JAG2: variants seen among roughly 807,000 people sequenced by gnomAD.
JAG2 encodes the protein protein jagged-2.
A neutral mutation model predicts 141.7 loss-of-function variants in JAG2; 46 were observed. That is an observed-to-expected ratio of 0.32 (90% confidence interval 0.26 to 0.42). The LOEUF (loss-of-function observed/expected upper bound fraction) is 0.42, where lower values mean the gene tolerates loss of function less well. Ranked by LOEUF, JAG2 falls within the 10% of genes least tolerant of loss-of-function variation. The pLI, the probability that JAG2 is intolerant of heterozygous loss-of-function variation, is 1.00. For missense variants in JAG2, 1,500 were observed against 1,817.5 expected, an observed-to-expected ratio of 0.83 and a Z score of 3.18; for synonymous variants, 862 against 763.5, an observed-to-expected ratio of 1.13 and a Z score of -2.13.
At chr14:105,146,012 C>T (rs1595173386) in intron 22 of JAG2, 39 bp from the exon 23 acceptor site, 2 of 1,577,686 alleles carry the variant, frequency 1.3e-6, no homozygotes, top group Non-Finnish European at 1.7e-6. Context: ...CGCAGGCGCA[C>T]AGGAGGGTCA....
intron 2 of JAG2, among the ~76,000 whole-genome samples, chr14:105,160,509 G>A (rs1372737270): frequency 1.3e-5 from 2 of 151,482 alleles, no homozygotes; most frequent in Admixed American, 6.6e-5. Context: ...CACCAAGGAC[G>A]GCAACCTATA....
Position 105,147,775 on chromosome 14 carries a change from G to A in JAG2, c.2362C>T (p.His788Tyr). ...CCCACACCCCTCCCACACTCACTGTGAGTGCAAGTACGACCCTCCCAGCCG... is the reference window on the plus strand; with the variant it reads ...CCCACACCCCTCCCACACTCACTGTAAGTGCAAGTACGACCCTCCCAGCCG... ...RDGWEGRTCT[H>Y]NTNDCNPLPC... is the part of the protein sequence containing the mutation. The change falls in exon 18 of 26, where the codon CAC becomes TAC. Residue 788 changes from histidine to tyrosine, a missense_variant. Transcript: ENST00000331782. The A allele has an allele frequency of 6.5e-7, 1 of 1,542,386 alleles. No individual in the cohort carries two copies. Among genetic ancestry groups the A allele is most frequent in the Non-Finnish European group, 8.8e-7 (1 of 1,141,046 alleles).
chr14:105,153,635 G>A (rs1888501953), intron 5 of JAG2, among the ~76,000 whole-genome samples: 1 of 151,974 alleles, frequency 6.6e-6, no homozygotes, highest in South Asian at 2.1e-4. Flanking sequence ...TCCTGCACTG[G>A]AACCTGAGCC....
intron 5 of JAG2, among the ~76,000 whole-genome samples, chr14:105,153,681 G>GC (rs1707237051): frequency 1.3e-5 from 2 of 152,210 alleles, no homozygotes; most frequent in South Asian, 4.1e-4. Context: ...CCCCGACAGG[G>GC]CCAGCAAGAG....
Position 105,157,720 on chromosome 14 carries a change from T to G in JAG2, c.461A>C (p.Asp154Ala). The G allele has an allele frequency of 6.4e-7, 1 of 1,570,452 alleles. No homozygotes were observed. The highest frequency in any genetic ancestry group is 1.2e-5 in the South Asian group (1 of 85,178). The change falls in exon 3 of 26, where the codon GAT becomes GCT. Residue 154 changes from aspartate (D) to alanine (A), a missense_variant. Asp to Ala is a moderately radical substitution (Grantham distance 126). This residue lies in a region of JAG2 where 875 missense variants were observed against 1,202.2 expected (regional missense o/e 0.73). Transcript: ENST00000331782. ...GGCTCACTCACCATTCGGGGTGGTA[T>G]CGTTGTCCCAGTCCCAGGCCTCCAC... Reference protein sequence around the residue: ...LIVEAWDWDNDTTPNEELLIE... With the variant: ...LIVEAWDWDNATTPNEELLIE...
In JAG2 at chr14:105,150,878, C is replaced by A; in HGVS notation, c.1415G>T (p.Gly472Val). ...GCCCCGCCTCACCTTGCAGGTGCCC[C>A]CATGCTGACACTGCCCGCGACAGTC... ...VNDCRGQCQH[G>V]GTCKDLVNGY... Residue 472 changes from glycine (G) to valine (V), a missense_variant, in exon 11 of 26, where the codon GGG becomes GTG. By Grantham distance (109) the Gly-to-Val change is moderately radical (BLOSUM62 -3). Transcript: ENST00000331782. 6.3e-7 allele frequency: 1 copy of A among 1,589,072 alleles called. No homozygotes were observed. Among genetic ancestry groups the A allele is most frequent in the Non-Finnish European group, 8.6e-7 (1 of 1,168,414 alleles).
Position 105,148,200 on chromosome 14 carries a change from T to A in JAG2, c.2164A>T (p.Ser722Cys). 1 of 1,555,652 alleles carries A rather than the reference T, an allele frequency of 6.4e-7. No homozygotes were observed. Among genetic ancestry groups the A allele is most frequent in the Non-Finnish European group, 8.7e-7 (1 of 1,150,118 alleles). Residue 722 changes from serine to cysteine, a missense_variant, in exon 17 of 26, where the codon AGC (serine) becomes TGC (cysteine). Physicochemically the swap from Ser to Cys is moderately radical, Grantham distance 112. Coordinates refer to ENST00000331782, the MANE Select transcript of JAG2 (RefSeq NM_002226.5). ...REFQCDAYTC[S>C]NGGTCYDSGD... ...CTGTCGTAGCAGGTGCCACCGTTGC[T>A]GCAGGTGTAGGCATCGCACTGGAAC...
chr14:105,163,340 A>C (rs1270235295), intron 2 of JAG2, among the ~76,000 whole-genome samples: 4 of 152,090 alleles, frequency 2.6e-5, no homozygotes, highest in African/African-American at 9.7e-5. Flanking sequence ...CCCACGCAGG[A>C]ACACACACAC....
Position 105,167,817 on chromosome 14 carries a change from G to GGCCCGC in JAG2, c.351_356dup (p.Arg120_Ala121dup), listed in dbSNP as rs1311813537. Reference sequence around the variant, plus strand: ...CCGGGTCCTGGTCGCCGCCGGCCCGGGCCCGCGCCCGCGCTCGGTCCCCCG... The same window carrying GGCCCGC: ...CCGGGTCCTGGTCGCCGCCGGCCCGGGCCCGCGCCCGCGCCCGCGCTCGGTCCCCCG... On this transcript the variant is annotated inframe_insertion, in exon 2 of 26. Coordinates refer to ENST00000331782, the MANE Select transcript of JAG2 (RefSeq NM_002226.5). This position sits in a 1 kb window ranked among gnomAD's most constrained non-coding sequence, Gnocchi z 4.8. 2.7e-6 allele frequency: 4 copies of GGCCCGC among 1,469,788 alleles called. No individual in the cohort carries two copies. The highest frequency in any genetic ancestry group is 2.7e-6 in the Non-Finnish European group (3 of 1,114,906). 91.0% of individuals were successfully genotyped at this position (1,469,788 alleles called of 1,614,324 possible). A position where few individuals can be genotyped will look rare whatever the true frequency, so the allele number is the denominator to read the frequency against.
At chr14:105,155,166 T>C (rs587690404) in intron 5 of JAG2, among the ~76,000 whole-genome samples, 28 of 151,650 alleles carry the variant, frequency 1.8e-4, no homozygotes, top group Admixed American at 1.8e-3. Context: ...CTCCCACCAC[T>C]GGTCTGCTCT....
chr14:105,149,427 C>G, intron 12 of JAG2, 107 bp from the exon 13 acceptor site: 1 of 1,428,128 alleles, frequency 7.0e-7, no homozygotes, highest in Non-Finnish European at 9.7e-7. Flanking sequence ...CCCCAGGCCC[C>G]TCCGCCCTGG....
At chr14:105,145,154 C>T in intron 23 of JAG2, 93 bp from the exon 24 acceptor site, 1 of 1,529,558 alleles carries the variant, frequency 6.5e-7, no homozygotes. Context: ...GTGGGACACA[C>T]CCTACAGCCC....
At position 105,151,678 on chromosome 14, in the gene JAG2, G is replaced by A. The variant is rs768876569; in HGVS notation, c.1101C>T (p.Ser367=). Residue 367 remains serine, a synonymous_variant, in exon 8 of 26, where the codon TCC becomes TCT. Transcript: ENST00000331782. ...ANGGSCHEVP[S]GFECHCPSGW... ...CCGATGGGCAGTGGCATTCGAAGCC[G>A]GACGGCACCTCATGGCAAGAGCCCC... 9.6e-5 allele frequency: 154 copies of A among 1,611,274 alleles called. No individual in the cohort carries two copies. The highest frequency in any genetic ancestry group is 1.6e-4 in the Middle Eastern group (1 of 6,080).
chr14:105,143,723 A>G (rs1888135744), intron 24 of JAG2, 85 bp from the exon 25 acceptor site: 5 of 1,541,166 alleles, frequency 3.2e-6, no homozygotes, highest in Non-Finnish European at 4.4e-6. Context: ...CCCTGGCCAC[A>G]CTGGAGCAAG....
At chr14:105,146,290 C>T (rs1323450068) in intron 22 of JAG2, 95 bp downstream of exon 22, 14 of 1,133,992 alleles carry the variant, frequency 1.2e-5, no homozygotes, top group East Asian at 4.7e-5. Context: ...TCAGTCCATC[C>T]GGACCCCAGC....
Position 105,146,982 on chromosome 14 carries a change from C to A in JAG2, c.2480-258G>T, listed in dbSNP as rs192680459. ...CCTGGATTAGCCCCAGCTGCTGCGT[C>A]GGACCAGCCAAGGGGTGCTGGACAG... On this transcript the variant is annotated intron_variant, in intron 20 of 25. Transcript: ENST00000331782. 105 of 620,920 alleles carry A rather than the reference C, an allele frequency of 1.7e-4. No homozygotes were observed. The East Asian group carries it at 2.8e-3, about 17-fold the overall frequency. 38.5% of individuals were successfully genotyped at this position (620,920 alleles called of 1,614,324 possible). A position where few individuals can be genotyped will look rare whatever the true frequency, so the allele number is the denominator to read the frequency against.
At chr14:105,152,342 G>A in intron 5 of JAG2, 51 bp from the exon 6 acceptor site, 5 of 1,589,748 alleles carry the variant, frequency 3.1e-6, no homozygotes, top group Non-Finnish European at 4.3e-6. Context: ...GTGCCTGAAA[G>A]GGTGGCAGGG....
At chr14:105,153,256 T>A (rs1446888454) in intron 5 of JAG2, among the ~76,000 whole-genome samples, 1 of 152,192 alleles carries the variant, frequency 6.6e-6, no homozygotes, top group African/African-American at 2.4e-5. Context: ...ACCGAAGGCC[T>A]ATCAGCCCAG....
intron 3 of JAG2, among the ~76,000 whole-genome samples, chr14:105,157,477 C>T (rs1888615031): frequency 6.6e-6 from 1 of 152,186 alleles, no homozygotes; most frequent in African/African-American, 2.4e-5. Flanking sequence ...AGAGCACACC[C>T]AAGAGGAGAA....
Sources: allele counts gnomAD v4.1 joint callset (sites outside exome capture counted in the v4.1 genomes callset), GRCh38; gene constraint gnomAD v4.1.1; regional missense constraint gnomAD v4.1.1; non-coding constraint Gnocchi (gnomAD v3.1); transcripts MANE v1.5; gene names NCBI Gene and HGNC (gene_info 2026-07-23, HGNC 2026-07-21).